The following GRID2 variants were observed in gnomAD, a reference collection of about 807,000 sequenced individuals.
GRID2 encodes glutamate receptor ionotropic, delta-2.
GRID2 carries 33 observed loss-of-function variants against 114.8 expected under a neutral mutation model. The observed-to-expected ratio is 0.29, with a 90% CI of 0.22 to 0.38. GRID2 has a LOEUF of 0.38. Ranked by LOEUF, GRID2 falls within the 10% of genes least tolerant of loss-of-function variation. The pLI is 1.00. For synonymous variants in GRID2, 505 were observed against 449.9 expected, an observed-to-expected ratio of 1.12 and a Z score of -1.55; for missense variants, 1,184 against 1,257.7, an observed-to-expected ratio of 0.94 and a Z score of 0.89.
At chr4:93,435,092 C>T (rs1219216484) in intron 10 of GRID2, among the ~76,000 whole-genome samples, 1 of 150,646 alleles carries the variant, frequency 6.6e-6, no homozygotes, top group African/African-American at 2.5e-5. Context: ...ATAACACTTA[C>T]AATTATTTTA....
chr4:93,713,598 A>T (rs1431244736), intron 14 of GRID2, among the ~76,000 whole-genome samples: 1 of 152,072 alleles, frequency 6.6e-6, no homozygotes, highest in Non-Finnish European at 1.5e-5. Context: ...CAAAAAAAAA[A>T]GATTATATAA....
At chr4:93,152,825 A>G (rs983448278) in intron 4 of GRID2, among the ~76,000 whole-genome samples, 1 of 152,108 alleles carries the variant, frequency 6.6e-6, no homozygotes, top group Non-Finnish European at 1.5e-5. Context: ...AAATGGTGCA[A>G]AGGTGTTCGG....
At chr4:92,793,209 T>C (rs1739678708) in intron 2 of GRID2, among the ~76,000 whole-genome samples, 1 of 151,818 alleles carries the variant, frequency 6.6e-6, no homozygotes, top group African/African-American at 2.4e-5. Context: ...TGCTTGTCAC[T>C]TTCACATCCT....
intron 2 of GRID2, among the ~76,000 whole-genome samples, chr4:92,810,845 G>GT (rs1247341618): frequency 1.3e-5 from 2 of 152,128 alleles, no homozygotes; most frequent in Admixed American, 6.6e-5. Context: ...AGACTGGAGT[G>GT]TGGTGGCACA....
At chr4:92,848,395 C>G (rs1223968888) in intron 2 of GRID2, among the ~76,000 whole-genome samples, 1 of 151,900 alleles carries the variant, frequency 6.6e-6, no homozygotes, top group Admixed American at 6.6e-5. Flanking sequence ...CTCCTCTTCT[C>G]TATCTCAATT....
chr4:92,669,408 G>A (rs1190589427), intron 2 of GRID2, among the ~76,000 whole-genome samples: 1 of 151,866 alleles, frequency 6.6e-6, no homozygotes, highest in African/African-American at 2.4e-5. Context: ...CCTGAGCAGC[G>A]ATCCTATGGA....
chr4:93,211,138 A>T (rs972580529), intron 5 of GRID2, among the ~76,000 whole-genome samples: 7 of 152,012 alleles, frequency 4.6e-5, no homozygotes, highest in Non-Finnish European at 8.8e-5. Context: ...TTTAATATCC[A>T]ATTTAGCTTC....
chr4:92,998,769 T>C (rs1474448379), intron 2 of GRID2, among the ~76,000 whole-genome samples: 2 of 151,772 alleles, frequency 1.3e-5, no homozygotes, highest in African/African-American at 2.4e-5. Flanking sequence ...TAAAACCCAA[T>C]AAGCTCACTT....
intron 2 of GRID2, among the ~76,000 whole-genome samples, chr4:93,070,777 A>C (rs1468751847): frequency 2.6e-5 from 4 of 152,102 alleles, no homozygotes; most frequent in Non-Finnish European, 5.9e-5. Flanking sequence ...AGATCATTTT[A>C]GTCAAATAAA....
intron 4 of GRID2, among the ~76,000 whole-genome samples, chr4:93,165,689 C>G (rs746298880): frequency 2.0e-5 from 3 of 152,034 alleles, no homozygotes; most frequent in Non-Finnish European, 4.4e-5. Flanking sequence ...TTTTTCATAT[C>G]AGAGCTGAGT....
chr4:93,279,340 C>A (rs999481749), intron 8 of GRID2, among the ~76,000 whole-genome samples: 10 of 151,806 alleles, frequency 6.6e-5, no homozygotes, highest in African/African-American at 2.4e-4. Flanking sequence ...GGCAATATAT[C>A]TGACATCAAT....
chr4:93,002,130 C>T (rs1721052179), intron 2 of GRID2, among the ~76,000 whole-genome samples: 1 of 151,410 alleles, frequency 6.6e-6, no homozygotes, highest in Non-Finnish European at 1.5e-5. Flanking sequence ...AATGTACATT[C>T]ACATAGTATG....
intron 9 of GRID2, among the ~76,000 whole-genome samples, chr4:93,418,279 T>C (rs1580013723): frequency 6.6e-6 from 1 of 152,048 alleles, no homozygotes; most frequent in East Asian, 1.9e-4. Context: ...GGATTTTCTA[T>C]CCTCTTGTTT....
intron 13 of GRID2, among the ~76,000 whole-genome samples, chr4:93,527,884 C>A (rs1010116948): frequency 1.3e-5 from 2 of 152,020 alleles, no homozygotes; most frequent in Admixed American, 6.6e-5. Context: ...CCTCTTCCCC[C>A]CAAGGCCTTA....
intron 14 of GRID2, among the ~76,000 whole-genome samples, chr4:93,728,282 G>A (rs1426102009): frequency 6.6e-6 from 1 of 152,162 alleles, no homozygotes; most frequent in Non-Finnish European, 1.5e-5. Context: ...CAGTTTCCAT[G>A]TACTTGAGCA....
intron 14 of GRID2, among the ~76,000 whole-genome samples, chr4:93,703,338 A>G (rs1256598952): frequency 6.6e-6 from 1 of 152,160 alleles, no homozygotes; most frequent in African/African-American, 2.4e-5. Context: ...AAAGTGTAAT[A>G]ATCACATCAG....
intron 4 of GRID2, among the ~76,000 whole-genome samples, chr4:93,184,233 C>G (rs1285963285): frequency 6.6e-6 from 1 of 151,992 alleles, no homozygotes; most frequent in Non-Finnish European, 1.5e-5. Context: ...CATTTAGTTG[C>G]CAAATAAATG....
Position 92,935,485 on chromosome 4 carries a change from C to T in GRID2, c.245-149510C>T, listed in dbSNP as rs866020921. Among the ~76,000 whole-genome samples, 184 of 146,766 alleles carry T rather than the reference C, an allele frequency of 1.3e-3. 8 individuals carry two copies. The highest frequency in any genetic ancestry group is 4.1e-3 in the Admixed American group (55 of 13,520). Reference sequence around the variant, plus strand: ...TGTGGAAGTCAGTGTGGCGCTTCCTCAGGGATCTAGAACTAGAAATACCAT... The same window carrying T: ...TGTGGAAGTCAGTGTGGCGCTTCCTTAGGGATCTAGAACTAGAAATACCAT... On this transcript the variant is annotated intron_variant, in intron 2 of 15. Coordinates refer to ENST00000282020, the MANE Select transcript of GRID2 (RefSeq NM_001510.4).
At chr4:93,435,298 T>C (rs1295624435) in intron 10 of GRID2, among the ~76,000 whole-genome samples, 1 of 152,180 alleles carries the variant, frequency 6.6e-6, no homozygotes, top group East Asian at 1.9e-4. Flanking sequence ...TGGGATCTCA[T>C]TGCTCTTTAA....
Sources: gnomAD v4.1 joint callset for allele counts (sites outside exome capture counted in the v4.1 genomes callset) on GRCh38, gnomAD v4.1.1 for gene constraint, MANE v1.5 for transcripts, NCBI Gene and HGNC (gene_info 2026-07-23, HGNC 2026-07-21) for gene names.